ALG14: variants seen among roughly 807,000 people sequenced by gnomAD.
ALG14 encodes the protein ALG14 UDP-N-acetylglucosaminyltransferase subunit.
In ALG14, 17 loss-of-function variants were observed where a neutral mutation model predicts 22.8. The observed-to-expected ratio is 0.75, with a 90% CI of 0.51 to 1.12. The LOEUF (loss-of-function observed/expected upper bound fraction) is 1.12. Among genes scored for constraint, ALG14 ranks in the 50% most tolerant of loss-of-function variants. The pLI is 0.00. For missense variants in ALG14, 288 were observed against 271.8 expected (o/e 1.06, Z -0.42); for synonymous variants, 89 against 103.7 (o/e 0.86, Z 0.86).
chr1:95,008,589 C>G (rs951671421), intron 3 of ALG14, among the ~76,000 whole-genome samples: 3 of 151,018 alleles, frequency 2.0e-5, no homozygotes, highest in African/African-American at 7.3e-5. Context: ...ATAAAAAAAC[C>G]CTATATATTG....
intron 3 of ALG14, among the ~76,000 whole-genome samples, chr1:95,005,487 T>C (rs544655157): frequency 6.7e-6 from 1 of 148,238 alleles, no homozygotes; most frequent in African/African-American, 2.7e-5. Context: ...TAATGTTATA[T>C]CATTTAGGCC....
chr1:95,062,662 G>C (rs972134905), intron 2 of ALG14, among the ~76,000 whole-genome samples: 1 of 152,176 alleles, frequency 6.6e-6, no homozygotes, highest in Non-Finnish European at 1.5e-5. Flanking sequence ...GTATTTCATA[G>C]TGTATATGTA....
At chr1:95,013,541 A>C (rs1673426439) in intron 3 of ALG14, among the ~76,000 whole-genome samples, 1 of 151,992 alleles carries the variant, frequency 6.6e-6, no homozygotes, top group Admixed American at 6.6e-5. Flanking sequence ...GGCTGGTCTC[A>C]AACTCCTGAC....
At chr1:95,040,700 T>G (rs1674352276) in intron 2 of ALG14, among the ~76,000 whole-genome samples, 1 of 152,244 alleles carries the variant, frequency 6.6e-6, no homozygotes, top group Non-Finnish European at 1.5e-5. Context: ...TATAGATTTT[T>G]TTTTTAATTG....
chr1:94,983,141 T>C lies in ALG14; in HGVS notation c.586A>G (p.Ile196Val). 2 of 1,614,102 alleles carry C rather than the reference T, an allele frequency of 1.2e-6. No individual in the cohort carries two copies. The highest frequency in any genetic ancestry group is 2.2e-5 in the South Asian group (2 of 91,084). Residue 196 changes from isoleucine (I) to valine (V), a missense_variant, in exon 4 of 4, where the codon ATT becomes GTT. By Grantham distance (29) the Ile-to-Val change is conservative. Transcript: ENST00000370205. The stretch of plus-strand genomic sequence containing the variant: ...TCTTTCAGAGCCGGCCACTGAACAA[T>C]GAAGTAATCTGAGAGATGAAACAGA... Reference protein sequence around the residue: ...KILFHLSDYFIVQWPALKEKY... With the variant: ...KILFHLSDYFVVQWPALKEKY...
chr1:95,024,320 C>T (rs1255683163), intron 3 of ALG14, among the ~76,000 whole-genome samples: 1 of 152,138 alleles, frequency 6.6e-6, no homozygotes, highest in African/African-American at 2.4e-5. Flanking sequence ...ATCTGTATTT[C>T]AAGTCTACCT....
chr1:95,058,307 A>T (rs1366684240), intron 2 of ALG14, among the ~76,000 whole-genome samples: 1 of 148,344 alleles, frequency 6.7e-6, no homozygotes, highest in Non-Finnish European at 1.5e-5. Flanking sequence ...AAAAAAAAAA[A>T]AAAAAAGATA....
chr1:95,046,032 C>T (rs1674545458), intron 2 of ALG14, among the ~76,000 whole-genome samples: 1 of 148,582 alleles, frequency 6.7e-6, no homozygotes, highest in Non-Finnish European at 1.5e-5. Context: ...TATACTAATT[C>T]TATTAGTATA....
chr1:95,010,348 T>C (rs1673330337), intron 3 of ALG14, among the ~76,000 whole-genome samples: 1 of 152,346 alleles, frequency 6.6e-6, no homozygotes, highest in Admixed American at 6.5e-5. Context: ...CCAATGGACA[T>C]CCCTACTTCC....
rs1174896259 is a variant in ALG14 at position 94,983,228 on chromosome 1, C to T, written c.499G>A (p.Val167Met). 6.2e-7 allele frequency: 1 copy of T among 1,614,022 alleles called. No homozygotes were observed. The highest frequency in any genetic ancestry group is 1.3e-5 in the African/African-American group (1 of 74,900). Residue 167 changes from valine (V) to methionine (M), a missense_variant, in exon 4 of 4, where the codon GTG becomes ATG. Coordinates refer to ENST00000370205, the MANE Select transcript of ALG14 (RefSeq NM_144988.4). ...ATGCTTTCAACGTAGACAATGATCA[C>T]TTTCTTTATTCCTAGTATCCCAAGG... ...LLLGILGIKK[V>M]IIVYVESICR... is the part of the protein sequence containing the mutation.
chr1:94,981,833 C>G lies in ALG14; in HGVS notation c.*1243G>C, dbSNP rs1672502321. On this transcript the variant is annotated 3_prime_UTR_variant, in exon 4 of 4. Transcript: ENST00000370205. ...CATGGCACCACTAGAAACACAGTCT[C>G]AAGCAGGACCAGCGAAAGAATTCAG... 6.6e-6 allele frequency: 1 copy of G among 151,872 alleles called. No homozygotes were observed. The highest frequency in any genetic ancestry group is 3.2e-3 in the Middle Eastern group (1 of 316). 9.4% of individuals were successfully genotyped at this position (151,872 alleles called of 1,614,324 possible). A position where few individuals can be genotyped will look rare whatever the true frequency, so the allele number is the denominator to read the frequency against.
chr1:95,059,421 C>A (rs894491305), intron 2 of ALG14, among the ~76,000 whole-genome samples: 156 of 126,010 alleles, frequency 1.2e-3, no homozygotes, highest in Middle Eastern at 4.3e-3. Context: ...AAAAAAAAAA[C>A]ATATTATTCT....
At chr1:95,064,737 T>C (rs760100217) in intron 2 of ALG14, 129 bp downstream of exon 2, 94 of 741,962 alleles carry the variant, frequency 1.3e-4, no homozygotes, top group Middle Eastern at 8.5e-4. Flanking sequence ...AGGAAATGTA[T>C]TTCATCACCA....
chr1:95,045,007 A>G (rs910426219), intron 2 of ALG14, among the ~76,000 whole-genome samples: 2 of 152,166 alleles, frequency 1.3e-5, no homozygotes, highest in East Asian at 1.9e-4. Flanking sequence ...TAATGTCTCA[A>G]TAAGATTTCA....
In ALG14 at chr1:95,013,929, T is replaced by TAA. The variant is rs66637982; in HGVS notation, c.420+13198_420+13199dup. Among the ~76,000 whole-genome samples the TAA allele has an allele frequency of 3.7e-3, 531 of 145,066 alleles. 1 individual carries two copies. The highest frequency in any genetic ancestry group is 0.012 in the African/African-American group (496 of 39,900). On this transcript the variant is annotated intron_variant, in intron 3 of 3. Transcript: ENST00000370205. ...CATTGCCTTTAAATCACTTTTTTCT[T>TAA]AAAAAAAAAAAAAAACCCTTCCAGC... is the stretch of plus-strand genomic sequence containing the variant.
At chr1:95,033,420 T>TACACACACACAC (rs374040999) in intron 2 of ALG14, among the ~76,000 whole-genome samples, 123 of 139,662 alleles carry the variant, frequency 8.8e-4, no homozygotes, top group African/African-American at 3.2e-3. Flanking sequence ...TATATATATA[T>TACACACACACAC]ACACACACAC....
intron 2 of ALG14, among the ~76,000 whole-genome samples, chr1:95,037,531 G>A (rs553192009): frequency 5.2e-4 from 79 of 152,246 alleles, no homozygotes; most frequent in South Asian, 4.6e-3. Context: ...TGGGAAGCCC[G>A]GTGGAGCTGC....
chr1:95,060,484 A>C (rs1675106728), intron 2 of ALG14, among the ~76,000 whole-genome samples: 1 of 151,952 alleles, frequency 6.6e-6, no homozygotes, highest in Non-Finnish European at 1.5e-5. Flanking sequence ...TGGAAGGCTG[A>C]GGTGGGCAGA....
At chr1:95,039,748 G>A (rs1674322273) in intron 2 of ALG14, among the ~76,000 whole-genome samples, 1 of 152,146 alleles carries the variant, frequency 6.6e-6, no homozygotes, top group Non-Finnish European at 1.5e-5. Context: ...GTGGACGGAG[G>A]AAGACAACTG....
Sources: gnomAD v4.1 joint callset for allele counts (sites outside exome capture counted in the v4.1 genomes callset) on GRCh38, gnomAD v4.1.1 for gene constraint, MANE v1.5 for transcripts, NCBI Gene and HGNC (gene_info 2026-07-23, HGNC 2026-07-21) for gene names.